The following ACAP2 variants were observed in gnomAD, a reference collection of about 807,000 sequenced individuals.
ACAP2 encodes arf-GAP with coiled-coil, ANK repeat and PH domain-containing protein 2.
Under a neutral mutation model 115.8 loss-of-function variants are expected in ACAP2, and 39 were observed. That is an observed-to-expected ratio of 0.34 (90% confidence interval 0.26 to 0.44). ACAP2 has a LOEUF of 0.44. Ranked by LOEUF, ACAP2 falls within the 20% of genes least tolerant of loss-of-function variation. ACAP2 has a pLI of 1.00. For synonymous variants in ACAP2, 289 were observed against 315.8 expected, an observed-to-expected ratio of 0.92 and a Z score of 0.90; for missense variants, 662 against 927.6, an observed-to-expected ratio of 0.71 and a Z score of 3.72.
At position 195,279,357 on chromosome 3, in the gene ACAP2, G is replaced by T. The variant is rs1245463540; in HGVS notation, c.2308C>A (p.Arg770Ser). 1 of 1,604,032 alleles carries T rather than the reference G, an allele frequency of 6.2e-7. No homozygotes were observed. Among genetic ancestry groups the T allele is most frequent in the South Asian group, 1.1e-5 (1 of 88,512 alleles). The change falls in exon 23 of 23, where the codon CGT becomes AGT. Residue 770 changes from arginine to serine, a missense_variant. Physicochemically the swap from Arg to Ser is moderately radical, Grantham distance 110. Coordinates refer to ENST00000326793, the MANE Select transcript of ACAP2 (RefSeq NM_012287.6). ...MASNNPEKLN[R>S]FQQDSQKF ...AATTTCTGTGAATCTTGCTGGAAAC[G>T]ATTTAGTTTCTCTGGATTATTGGAT...
intron 4 of ACAP2, among the ~76,000 whole-genome samples, chr3:195,370,650 T>C (rs1429795546): frequency 6.6e-6 from 1 of 152,172 alleles, no homozygotes; most frequent in African/African-American, 2.4e-5. Context: ...TGGGGCCCTG[T>C]AGCATAGTTT....
At chr3:195,403,161 A>C (rs553255198) in intron 1 of ACAP2, among the ~76,000 whole-genome samples, 1 of 152,336 alleles carries the variant, frequency 6.6e-6, no homozygotes, top group South Asian at 2.1e-4. Flanking sequence ...CCATGCAGAC[A>C]AGGGTGTTAA....
chr3:195,307,025 G>C (rs1728470459), intron 12 of ACAP2, among the ~76,000 whole-genome samples, 198 bp downstream of exon 12: 1 of 151,986 alleles, frequency 6.6e-6, no homozygotes, highest in Non-Finnish European at 1.5e-5. Flanking sequence ...GGAATTTAAA[G>C]AATAGGATAA....
At chr3:195,438,513 T>C (rs780630853) in intron 1 of ACAP2, among the ~76,000 whole-genome samples, 2 of 152,140 alleles carry the variant, frequency 1.3e-5, no homozygotes, top group African/African-American at 2.4e-5. Flanking sequence ...CCAGACTTAA[T>C]AGCAACACAT....
chr3:195,397,523 C>T (rs113002513), intron 1 of ACAP2, among the ~76,000 whole-genome samples: 300 of 152,050 alleles, frequency 2.0e-3, no homozygotes, highest in African/African-American at 6.8e-3. Context: ...AATGGCCACC[C>T]CTTATTAGTT....
chr3:195,330,586 T>C (rs1029498475), intron 8 of ACAP2, among the ~76,000 whole-genome samples: 3 of 152,188 alleles, frequency 2.0e-5, no homozygotes, highest in South Asian at 2.1e-4. Flanking sequence ...AGGTCTCTCC[T>C]TACCCCCAAG....
intron 4 of ACAP2, among the ~76,000 whole-genome samples, chr3:195,367,752 G>GCCAAATGTAGAGAGAGA (rs143632892): frequency 0.021 from 3,257 of 152,270 alleles, 114 homozygotes; most frequent in East Asian, 0.1. Flanking sequence ...GGGGAGAGAG[G>GCCAAATGTAGAGAGAGA]CCAAATGTAG....
intron 2 of ACAP2, among the ~76,000 whole-genome samples, chr3:195,391,228 C>CTTTTT (rs1186667963): frequency 1.5e-5 from 2 of 129,888 alleles, no homozygotes; most frequent in Non-Finnish European, 3.2e-5. Context: ...GCTTCTCTTT[C>CTTTTT]TTTTTTTTTT....
intron 1 of ACAP2, among the ~76,000 whole-genome samples, chr3:195,408,358 GGA>G (rs1577432035): frequency 6.6e-6 from 1 of 152,266 alleles, no homozygotes; most frequent in African/African-American, 2.4e-5. Flanking sequence ...CAGCTACACG[GGA>G]GGCTGAGGCA....
In ACAP2 at chr3:195,305,719, C is replaced by T. The variant is rs775640099; in HGVS notation, c.1116+792G>A. On this transcript the variant is annotated intron_variant, in intron 13 of 22. Transcript: ENST00000326793. ...GCTGACATGCCCTTCGTCAATGTTC[C>T]CATCATTTGTACCCAGACAAGTTCA... Among the ~76,000 whole-genome samples, 63 of 152,126 alleles carry T rather than the reference C, an allele frequency of 4.1e-4. 1 individual carries two copies. Among genetic ancestry groups the T allele is most frequent in the Admixed American group, 2.7e-3 (41 of 15,278 alleles).
intron 1 of ACAP2, among the ~76,000 whole-genome samples, chr3:195,428,456 A>G (rs1200823339): frequency 6.6e-6 from 1 of 151,916 alleles, no homozygotes; most frequent in African/African-American, 2.4e-5. Flanking sequence ...GGATTATAAT[A>G]TCATATTTTT....
chr3:195,281,337 A>G (rs1178558612), intron 22 of ACAP2, among the ~76,000 whole-genome samples: 2 of 152,068 alleles, frequency 1.3e-5, no homozygotes, highest in Non-Finnish European at 1.5e-5. Flanking sequence ...CCCGGGAGGC[A>G]GAGCTTGCAG....
chr3:195,388,954 G>A (rs1002261381), intron 2 of ACAP2, among the ~76,000 whole-genome samples: 1 of 150,336 alleles, frequency 6.7e-6, no homozygotes, highest in African/African-American at 2.5e-5. Flanking sequence ...AACCTGGAAG[G>A]TGGAAGCTGC....
At chr3:195,314,548 C>T (rs979720965) in intron 10 of ACAP2, among the ~76,000 whole-genome samples, 1 of 152,160 alleles carries the variant, frequency 6.6e-6, no homozygotes, top group Non-Finnish European at 1.5e-5. Context: ...GGATTACAGG[C>T]ATGAGCCACC....
chr3:195,335,867 C>T (rs116803284), intron 7 of ACAP2: 3,750 of 147,986 alleles, frequency 0.025, 141 homozygotes, highest in African/African-American at 0.084. Flanking sequence ...TGCCATACCA[C>T]ATCATGCCCT....
intron 1 of ACAP2, among the ~76,000 whole-genome samples, chr3:195,428,698 TTAAG>T (rs1714877702): frequency 1.3e-5 from 2 of 152,112 alleles, no homozygotes; most frequent in African/African-American, 2.4e-5. Flanking sequence ...ATTCTCGTCA[TTAAG>T]TAACACATAA....
intron 4 of ACAP2, among the ~76,000 whole-genome samples, chr3:195,359,981 C>T (rs1732243797): frequency 6.6e-6 from 1 of 152,098 alleles, no homozygotes; most frequent in Non-Finnish European, 1.5e-5. Flanking sequence ...GAGAAGACCA[C>T]AAAACAACCA....
chr3:195,339,952 C>A (rs893500662), intron 6 of ACAP2, among the ~76,000 whole-genome samples: 1 of 151,196 alleles, frequency 6.6e-6, no homozygotes, highest in African/African-American at 2.4e-5. Context: ...ACAATAAATG[C>A]GTAAGTAGTC....
At chr3:195,329,918 T>C (rs1324424655) in intron 8 of ACAP2, among the ~76,000 whole-genome samples, 1 of 152,112 alleles carries the variant, frequency 6.6e-6, no homozygotes, top group Non-Finnish European at 1.5e-5. Flanking sequence ...CCGCCCCAAG[T>C]CAGCTTCTCT....
Sources: allele counts gnomAD v4.1 joint callset (sites outside exome capture counted in the v4.1 genomes callset), GRCh38; gene constraint gnomAD v4.1.1; transcripts MANE v1.5; gene names NCBI Gene and HGNC (gene_info 2026-07-23, HGNC 2026-07-21).